The following PPP1R8 variants were observed in gnomAD, a reference collection of about 807,000 sequenced individuals.
PPP1R8 encodes protein phosphatase 1 regulatory subunit 8, also known as nuclear inhibitor of protein phosphatase 1.
Under a neutral mutation model 31.3 loss-of-function variants are expected in PPP1R8, and 4 were observed. That is an observed-to-expected ratio of 0.13 (90% CI 0.06 to 0.29). The LOEUF is 0.29. PPP1R8 is among the 10% of genes least tolerant of loss of function. The pLI is 1.00. For synonymous variants in PPP1R8, 170 were observed against 169.7 expected (o/e 1.00, Z -0.01); for missense variants, 254 against 440.1 (o/e 0.58, Z 3.78).
rs35880738 is a variant in PPP1R8, at chr1:27,850,125, C to T, written c.735C>T (p.Gly245=). The change falls in exon 7 of 7, where the codon GGC becomes GGT. Residue 245 remains glycine, a synonymous_variant. Coordinates refer to ENST00000311772, the MANE Select transcript of PPP1R8 (RefSeq NM_014110.5). The part of the protein sequence containing the change: ...KKRVEGPGSL[G]LEESGSRRMQ... ...GTGTGGAGGGCCCTGGCTCCCTGGG[C>T]CTGGAGGAATCAGGGAGCAGGCGCA... is the stretch of plus-strand genomic sequence containing the variant. 1.0e-3 allele frequency: 1,607 copies of T among 1,598,954 alleles called. 23 individuals carry two copies. In the African/African-American group the frequency reaches 0.019, roughly 19 times the overall value.
chr1:27,834,656 G>A (rs1181444502), intron 2 of PPP1R8: 1 of 428,656 alleles, frequency 2.3e-6, no homozygotes, highest in Non-Finnish European at 4.6e-6. Context: ...TTGGACAGAA[G>A]CAGCACATTG....
intron 6 of PPP1R8, among the ~76,000 whole-genome samples, 165 bp downstream of exon 6, chr1:27,847,257 A>G (rs1338126924): frequency 6.6e-6 from 1 of 152,206 alleles, no homozygotes; most frequent in Non-Finnish European, 1.5e-5. Flanking sequence ...TTGTAATCCC[A>G]GCACTTTGGG....
At chr1:27,840,797 G>C (rs1373681333) in intron 3 of PPP1R8, among the ~76,000 whole-genome samples, 1 of 152,146 alleles carries the variant, frequency 6.6e-6, no homozygotes, top group Non-Finnish European at 1.5e-5. Context: ...GATGGATGTG[G>C]TGGACCCAGT....
Position 27,847,059 on chromosome 1 carries a change from G to A in PPP1R8, c.669G>A (p.Arg223=). 6.2e-7 allele frequency: 1 copy of A among 1,614,130 alleles called. No homozygotes were observed. Among genetic ancestry groups the A allele is most frequent in the South Asian group, 1.1e-5 (1 of 91,074 alleles). Residue 223 remains arginine (R), a synonymous_variant, in exon 6 of 7, where the codon AGG becomes AGA. Transcript: ENST00000311772. ...EDVDPSVGRF[R]NMVQTAVVPV... ...TGGATCCCTCAGTTGGTCGATTCAG[G>A]AACATGGTGCAAACTGCAGTGGTCC... is the stretch of plus-strand genomic sequence containing the variant.
intron 1 of PPP1R8, 92 bp from the exon 2 acceptor site, chr1:27,832,664 G>C (rs2089122121): frequency 2.0e-6 from 2 of 1,022,632 alleles, no homozygotes; most frequent in Non-Finnish European, 2.9e-6. Context: ...TTATAGGCTG[G>C]TAGGAGAGCT....
chr1:27,849,324 T>A (rs1160049738), intron 6 of PPP1R8, among the ~76,000 whole-genome samples: 3 of 142,256 alleles, frequency 2.1e-5, no homozygotes, highest in Non-Finnish European at 4.5e-5. Flanking sequence ...TGAGCTGAGA[T>A]CGAGCCATTA....
intron 4 of PPP1R8, among the ~76,000 whole-genome samples, chr1:27,841,773 G>A (rs564482310): frequency 6.6e-6 from 1 of 152,256 alleles, no homozygotes; most frequent in South Asian, 2.1e-4. Flanking sequence ...TCTGAATAGA[G>A]CCAGACTGCT....
rs745421364 is a variant in PPP1R8, at chr1:27,850,542, C to T, written c.*96C>T. The T allele has an allele frequency of 2.2e-5, 24 of 1,110,498 alleles. 1 individual carries two copies. The highest frequency in any genetic ancestry group is 1.1e-4 in the South Asian group (7 of 61,030). 68.8% of individuals were successfully genotyped at this position (1,110,498 alleles called of 1,614,324 possible). ...TAGGGAGAAAAACTTTCCATGTGTGCGGTATCGTCTTTCAGAATGTCTCCT... is the reference window on the plus strand; with the variant it reads ...TAGGGAGAAAAACTTTCCATGTGTGTGGTATCGTCTTTCAGAATGTCTCCT... On this transcript the variant is annotated 3_prime_UTR_variant, in exon 7 of 7. Transcript: ENST00000311772.
intron 2 of PPP1R8, among the ~76,000 whole-genome samples, chr1:27,833,509 C>A (rs1361824293): frequency 2.0e-5 from 3 of 152,164 alleles, no homozygotes; most frequent in African/African-American, 7.2e-5. Context: ...GAGAACACCA[C>A]ATAGGAGTTC....
chr1:27,848,412 G>T (rs1250337889), intron 6 of PPP1R8, among the ~76,000 whole-genome samples: 2 of 152,058 alleles, frequency 1.3e-5, no homozygotes, highest in African/African-American at 4.8e-5. Context: ...AAATAAAAAA[G>T]ATTGTATGTT....
chr1:27,844,799 C>G (rs1407036514), intron 5 of PPP1R8, among the ~76,000 whole-genome samples: 1 of 143,076 alleles, frequency 7.0e-6, no homozygotes, highest in Non-Finnish European at 1.5e-5. Flanking sequence ...TTCACTGCAA[C>G]CTCCGCCTCC....
chr1:27,841,387 G>C (rs189757267), intron 4 of PPP1R8, among the ~76,000 whole-genome samples, 153 bp downstream of exon 4: 22 of 152,298 alleles, frequency 1.4e-4, no homozygotes, highest in Admixed American at 5.9e-4. Context: ...GTGGCCAGCT[G>C]TGACAGCTCT....
At chr1:27,840,888 A>C (rs1425957492) in intron 3 of PPP1R8, 126 bp from the exon 4 acceptor site, 2 of 972,396 alleles carry the variant, frequency 2.1e-6, no homozygotes, top group Non-Finnish European at 3.1e-6. Flanking sequence ...AAAAACAGAC[A>C]AAAAAGCAAA....
At position 27,850,673 on chromosome 1, in the gene PPP1R8, T is replaced by C. The variant is rs1337271354; in HGVS notation, c.*227T>C. 2 of 479,662 alleles carry C rather than the reference T, an allele frequency of 4.2e-6. No homozygotes were observed. The highest frequency in any genetic ancestry group is 3.4e-5 in the Admixed American group (1 of 28,996). 29.7% of individuals were successfully genotyped at this position (479,662 alleles called of 1,614,324 possible). ...GTAGAGAAAGGCTTCTTATATCCTT[T>C]TCAATAGACTGCCCTGGCTCTTTCC... On this transcript the variant is annotated 3_prime_UTR_variant, in exon 7 of 7. Coordinates refer to ENST00000311772, the MANE Select transcript of PPP1R8 (RefSeq NM_014110.5).
Position 27,850,252 on chromosome 1 carries a change from G to A in PPP1R8, c.862G>A (p.Gly288Ser), listed in dbSNP as rs949696312. The change falls in exon 7 of 7, where the codon GGT becomes AGT. Residue 288 changes from glycine to serine, a missense_variant. Physicochemically the swap from Gly to Ser is moderately conservative, Grantham distance 56. Coordinates refer to ENST00000311772, the MANE Select transcript of PPP1R8 (RefSeq NM_014110.5). ...TGGCATCCATGGGACAGCACTCATC[G>A]GTGGCTTGCCCATGCCATACCCAAA... The part of the protein sequence containing the change: ...PHGIHGTALI[G>S]GLPMPYPNLA... 5 of 1,614,094 alleles carry A rather than the reference G, an allele frequency of 3.1e-6. No homozygotes were observed. In the African/African-American group the frequency reaches 4.0e-5, roughly 13 times the overall value.
rs1204873765 is a variant in PPP1R8, at chr1:27,842,517, T to G, written c.493-669T>G. ...AGTATGTTAGGTACTCCCTGGATCT[T>G]CATTCTTAAGACATTTAGAATATCT... On this transcript the variant is annotated intron_variant, in intron 4 of 6. Coordinates refer to ENST00000311772, the MANE Select transcript of PPP1R8 (RefSeq NM_014110.5). Among the ~76,000 whole-genome samples, 2 of 152,182 alleles carry G rather than the reference T, an allele frequency of 1.3e-5. 1 individual carries two copies. The highest frequency in any genetic ancestry group is 2.9e-5 in the Non-Finnish European group (2 of 68,026).
At chr1:27,848,546 A>G (rs2089308141) in intron 6 of PPP1R8, among the ~76,000 whole-genome samples, 3 of 152,228 alleles carry the variant, frequency 2.0e-5, no homozygotes, top group African/African-American at 4.8e-5. Flanking sequence ...GATCCCTGTT[A>G]ATATTCAGAA....
In PPP1R8 at chr1:27,850,231, A is replaced by T. The variant is rs2089328705; in HGVS notation, c.841A>T (p.Ile281Phe). ...HSEAGSQPHG[I>F]HGTALIGGLP... ...TGAAGCAGGCTCCCAGCCACATGGC[A>T]TCCATGGGACAGCACTCATCGGTGG... The change falls in exon 7 of 7, where the codon ATC (isoleucine) becomes TTC (phenylalanine). Residue 281 changes from isoleucine to phenylalanine, a missense_variant. By Grantham distance (21) the Ile-to-Phe change is conservative. Transcript: ENST00000311772. 32 of 1,614,260 alleles carry T rather than the reference A, an allele frequency of 2.0e-5. No homozygotes were observed. The highest frequency in any genetic ancestry group is 2.7e-5 in the Non-Finnish European group (32 of 1,180,036).
chr1:27,850,188 C>A lies in PPP1R8; in HGVS notation c.798C>A (p.Gly266=). ...NFAFSGGLYG[G]LPPTHSEAGS... ...CCTTCAGCGGAGGACTCTACGGGGG[C>A]CTGCCCCCCACACACAGTGAAGCAG... is the stretch of plus-strand genomic sequence containing the variant. Residue 266 remains glycine, a synonymous_variant, in exon 7 of 7, where the codon GGC becomes GGA. Transcript: ENST00000311772. The A allele has an allele frequency of 1.2e-6, 2 of 1,614,158 alleles. No individual in the cohort carries two copies. Among genetic ancestry groups the A allele is most frequent in the Non-Finnish European group, 1.7e-6 (2 of 1,180,024 alleles).
Sources: gnomAD v4.1 joint callset for allele counts (sites outside exome capture counted in the v4.1 genomes callset) on GRCh38, gnomAD v4.1.1 for gene constraint, MANE v1.5 for transcripts, NCBI Gene and HGNC (gene_info 2026-07-23, HGNC 2026-07-21) for gene names.